ZNF445: variants seen among roughly 807,000 people sequenced by gnomAD.
ZNF445 encodes the protein zinc finger protein 168.
Under a neutral mutation model 93.9 loss-of-function variants are expected in ZNF445, and 19 were observed. The observed-to-expected ratio is 0.20, with a 90% CI of 0.14 to 0.30. The LOEUF is 0.30. Ranked by LOEUF, ZNF445 falls within the 10% of genes least tolerant of loss-of-function variation. ZNF445 has a pLI of 1.00. For missense variants in ZNF445, 1,058 were observed against 1,259.4 expected (o/e 0.84, Z 2.42); for synonymous variants, 449 against 446.3 (o/e 1.01, Z -0.08).
chr3:44,457,374 C>T (rs1050149137), intron 2 of ZNF445, among the ~76,000 whole-genome samples: 6 of 151,914 alleles, frequency 3.9e-5, no homozygotes, highest in Admixed American at 2.0e-4. Context: ...TGGGCTCAAG[C>T]GATCCTCTTG....
At position 44,446,946 on chromosome 3, in the gene ZNF445, G is replaced by T. The variant is rs140972586; in HGVS notation, c.2725C>A (p.His909Asn). 6.0e-4 allele frequency: 964 copies of T among 1,614,116 alleles called. 2 individuals carry two copies. Among genetic ancestry groups the T allele is most frequent in the Middle Eastern group, 9.9e-4 (6 of 6,060 alleles). Residue 909 changes from histidine to asparagine, a missense_variant, in exon 8 of 8, where the codon CAT becomes AAT. By Grantham distance (68) the His-to-Asn change is moderately conservative. This residue lies in a region of ZNF445 where 387 missense variants were observed against 475.7 expected (regional missense o/e 0.81). Coordinates refer to ENST00000396077, the MANE Select transcript of ZNF445 (RefSeq NM_181489.6). This position sits in a 1 kb window ranked among gnomAD's most constrained non-coding sequence, Gnocchi z 4.2. ...TTCCTCTGGTGACTGGAAAGGGTAT[G>T]TCTCCCAATGAACTCTTTCCCACAC... ...QWCGKEFIGR[H>N]TLSSHQRKHT...
At chr3:44,458,535 A>G (rs1393728650) in intron 1 of ZNF445, among the ~76,000 whole-genome samples, 171 bp from the exon 2 acceptor site, 5 of 152,122 alleles carry the variant, frequency 3.3e-5, no homozygotes, top group Non-Finnish European at 4.4e-5. Flanking sequence ...AACAATAAGC[A>G]TATCTTCTGT....
At chr3:44,450,311 G>C in intron 6 of ZNF445, 136 bp downstream of exon 6, 2 of 1,029,788 alleles carry the variant, frequency 1.9e-6, no homozygotes, top group Non-Finnish European at 1.5e-6. Context: ...CTACCAAGGT[G>C]CTAGATTAAG....
At chr3:44,457,007 T>C (rs1235153495) in intron 2 of ZNF445, among the ~76,000 whole-genome samples, 7 of 152,140 alleles carry the variant, frequency 4.6e-5, no homozygotes, top group African/African-American at 1.7e-4. Flanking sequence ...CATGTGCCTA[T>C]AATCCCAGCT....
In ZNF445 at chr3:44,447,838, A is replaced by G. The variant is rs373321977; in HGVS notation, c.1833T>C (p.Tyr611=). 8 of 1,614,146 alleles carry G rather than the reference A, an allele frequency of 5.0e-6. No individual in the cohort carries two copies. In the South Asian group the frequency reaches 5.5e-5, roughly 11 times the overall value. ...QCRKSFHCKS[Y]VLEHQRIHTQ... ...TGTGAATCCTTTGATGTTCAAGAAC[A>G]TATGACTTACAGTGGAAGGATTTCC... Residue 611 remains tyrosine, a synonymous_variant, in exon 8 of 8, where the codon TAT becomes TAC. Coordinates refer to ENST00000396077, the MANE Select transcript of ZNF445 (RefSeq NM_181489.6). This position sits in a 1 kb window ranked among gnomAD's most constrained non-coding sequence, Gnocchi z 4.7.
In ZNF445 at chr3:44,434,498, A is replaced by G. The variant is rs1488276007; in HGVS notation, c.*12077T>C. ...TTTATTTCCTACACTGAGTCATATT[A>G]TGTGTCTTCCAACATGTCTGGAGCA... is the stretch of plus-strand genomic sequence containing the variant. On this transcript the variant is annotated 3_prime_UTR_variant, in exon 8 of 8. Coordinates refer to ENST00000396077, the MANE Select transcript of ZNF445 (RefSeq NM_181489.6). 6.6e-6 allele frequency: 1 copy of G among 152,180 alleles called. No individual in the cohort carries two copies. Among genetic ancestry groups the G allele is most frequent in the Non-Finnish European group, 1.5e-5 (1 of 67,992 alleles). 9.4% of individuals were successfully genotyped at this position (152,180 alleles called of 1,614,324 possible).
chr3:44,457,826 C>A (rs1003890677), intron 2 of ZNF445, among the ~76,000 whole-genome samples: 1 of 151,574 alleles, frequency 6.6e-6, no homozygotes, highest in East Asian at 1.9e-4. Flanking sequence ...CACAGTGAAA[C>A]GCCATCTCTA....
At chr3:44,473,863 AATAAT>A (rs1698307242) in intron 1 of ZNF445, among the ~76,000 whole-genome samples, 1 of 152,232 alleles carries the variant, frequency 6.6e-6, no homozygotes, top group Non-Finnish European at 1.5e-5. Flanking sequence ...CAAAGCACAC[AATAAT>A]ATAACTGATT....
chr3:44,446,387 C>T lies in ZNF445; in HGVS notation c.*188G>A. 2.6e-6 allele frequency: 2 copies of T among 780,432 alleles called. No individual in the cohort carries two copies. The highest frequency in any genetic ancestry group is 4.0e-6 in the Non-Finnish European group (2 of 503,232). The allele number at this position is 780,432 out of a possible 1,614,324, so 48.3% of individuals were successfully genotyped here. A position where few individuals can be genotyped will look rare whatever the true frequency, so the allele number is the denominator to read the frequency against. On this transcript the variant is annotated 3_prime_UTR_variant, in exon 8 of 8. Coordinates refer to ENST00000396077, the MANE Select transcript of ZNF445 (RefSeq NM_181489.6). The surrounding 1 kb of genome is among the most constrained non-coding windows in gnomAD (Gnocchi z 4.2). ...CTCCAAAGGACATGGTGCTGCACTTCCCCAGCGTCACATCCTAGCAGGCAG... is the reference window on the plus strand; with the variant it reads ...CTCCAAAGGACATGGTGCTGCACTTTCCCAGCGTCACATCCTAGCAGGCAG...
intron 1 of ZNF445, among the ~76,000 whole-genome samples, chr3:44,476,997 T>C (rs1422577593): frequency 6.6e-6 from 1 of 152,236 alleles, no homozygotes; most frequent in Non-Finnish European, 1.5e-5. Flanking sequence ...CAGGAGATTA[T>C]AATTTTTAAA....
chr3:44,447,075 T>C lies in ZNF445; in HGVS notation c.2596A>G (p.Lys866Glu), dbSNP rs1322183205. ...LDHKGIHSGE[K>E]RYKCNLCGKS... ...CCACATAGATTACATTTATAGCGCT[T>C]CTCTCCACTGTGTATTCCCTTATGA... Residue 866 changes from lysine (K) to glutamate (E), a missense_variant, in exon 8 of 8, where the codon AAG becomes GAG. Around this residue, in one of 3 missense-constraint regions of ZNF445, gnomAD observed 387 missense variants for 475.7 expected, o/e 0.81. Coordinates refer to ENST00000396077, the MANE Select transcript of ZNF445 (RefSeq NM_181489.6). The surrounding 1 kb of genome is among the most constrained non-coding windows in gnomAD (Gnocchi z 4.7). The C allele has an allele frequency of 6.2e-7, 1 of 1,614,240 alleles. No individual in the cohort carries two copies. The highest frequency in any genetic ancestry group is 8.5e-7 in the Non-Finnish European group (1 of 1,180,042).
rs373226712 is a variant in ZNF445, at chr3:44,440,290, A to C, written c.*6285T>G. On this transcript the variant is annotated 3_prime_UTR_variant, in exon 8 of 8. Transcript: ENST00000396077. ...CTTTAAAAGGTGTGGTAGCTGGCATACAAGTATTTACTCTCCTTTTCCTCA... is the reference window on the plus strand; with the variant it reads ...CTTTAAAAGGTGTGGTAGCTGGCATCCAAGTATTTACTCTCCTTTTCCTCA... 5.9e-5 allele frequency: 9 copies of C among 152,358 alleles called. No homozygotes were observed. In the East Asian group the frequency reaches 1.7e-3, roughly 29 times the overall value. The allele number at this position is 152,358 out of a possible 1,614,324, so 9.4% of individuals were successfully genotyped here. A position where few individuals can be genotyped will look rare whatever the true frequency, so the allele number is the denominator to read the frequency against.
At chr3:44,471,168 G>A (rs1698263779) in intron 1 of ZNF445, among the ~76,000 whole-genome samples, 1 of 152,212 alleles carries the variant, frequency 6.6e-6, no homozygotes, top group Non-Finnish European at 1.5e-5. Flanking sequence ...CCTGCATCCA[G>A]AATTTCTCTA....
intron 1 of ZNF445, among the ~76,000 whole-genome samples, 196 bp from the exon 2 acceptor site, chr3:44,458,560 T>C (rs965983888): frequency 6.6e-6 from 1 of 152,122 alleles, no homozygotes; most frequent in Non-Finnish European, 1.5e-5. Context: ...TTATTTGGGC[T>C]TTGTCCTTGA....
intron 1 of ZNF445, among the ~76,000 whole-genome samples, chr3:44,463,520 A>G (rs1404651129): frequency 6.6e-6 from 1 of 152,148 alleles, no homozygotes; most frequent in Non-Finnish European, 1.5e-5. Context: ...TCAAAATCAA[A>G]CGCTCTGTTC....
intron 1 of ZNF445, among the ~76,000 whole-genome samples, chr3:44,476,865 T>C (rs988233966): frequency 1.3e-5 from 2 of 152,120 alleles, no homozygotes; most frequent in African/African-American, 4.8e-5. Flanking sequence ...ATGTGTCTCC[T>C]ACAGAAAATA....
chr3:44,451,061 G>T, intron 4 of ZNF445, 99 bp from the exon 5 acceptor site: 1 of 1,103,412 alleles, frequency 9.1e-7, no homozygotes, highest in Non-Finnish European at 1.3e-6. Flanking sequence ...CCCATGAGCA[G>T]GTACATAATG....
intron 1 of ZNF445, among the ~76,000 whole-genome samples, chr3:44,465,567 T>C (rs1159970533): frequency 6.6e-6 from 1 of 152,238 alleles, no homozygotes; most frequent in Non-Finnish European, 1.5e-5. Context: ...TATGAAAATC[T>C]TACCTTATGG....
intron 3 of ZNF445, among the ~76,000 whole-genome samples, chr3:44,453,090 T>C (rs1697977952): frequency 6.6e-6 from 1 of 151,484 alleles, no homozygotes; most frequent in East Asian, 1.9e-4. Context: ...ATTTTTGTAT[T>C]TTTAGTAGAG....
Sources: gnomAD v4.1 joint callset for allele counts (sites outside exome capture counted in the v4.1 genomes callset) on GRCh38, gnomAD v4.1.1 for gene constraint, gnomAD v4.1.1 regional missense constraint, Gnocchi (gnomAD v3.1) non-coding constraint, MANE v1.5 for transcripts, NCBI Gene and HGNC (gene_info 2026-07-23, HGNC 2026-07-21) for gene names.